Variants in MYO1E observed in about 807,000 individuals in gnomAD.
MYO1E encodes myosin IE.
In MYO1E, 68 loss-of-function variants were observed where a neutral mutation model predicts 151.1. The observed-to-expected ratio is 0.45, with a 90% CI of 0.37 to 0.55. The LOEUF (loss-of-function observed/expected upper bound fraction) is 0.55, where lower values mean the gene tolerates loss of function less well. Ranked by LOEUF, MYO1E falls within the 20% of genes least tolerant of loss-of-function variation. The probability of loss-of-function intolerance (pLI) is 0.00; values close to 1 mark genes in which losing one functional copy is unlikely to be tolerated. For synonymous variants in MYO1E, 601 were observed against 501.7 expected, an observed-to-expected ratio of 1.20 and a Z score of -2.64; for missense variants, 1,363 against 1,389.3, an observed-to-expected ratio of 0.98 and a Z score of 0.30.
chr15:59,200,981 A>AGG (rs2079797926), intron 16 of MYO1E, among the ~76,000 whole-genome samples: 2 of 152,248 alleles, frequency 1.3e-5, no homozygotes, highest in African/African-American at 4.8e-5. Context: ...CTTTGATTGT[A>AGG]AAACTGAGGA....
At chr15:59,160,908 G>A (rs1318081457) in intron 24 of MYO1E, among the ~76,000 whole-genome samples, 165 bp downstream of exon 24, 3 of 151,992 alleles carry the variant, frequency 2.0e-5, no homozygotes, top group Non-Finnish European at 2.9e-5. Context: ...TTTCCTTGCT[G>A]TTGCTTTAGT....
intron 22 of MYO1E, among the ~76,000 whole-genome samples, chr15:59,167,335 G>A (rs1362205124): frequency 6.6e-6 from 1 of 152,172 alleles, no homozygotes; most frequent in Non-Finnish European, 1.5e-5. Context: ...CCACCAGAAT[G>A]AGAAGAAAAA....
chr15:59,188,799 T>C (rs2079715400), intron 17 of MYO1E, among the ~76,000 whole-genome samples: 2 of 152,292 alleles, frequency 1.3e-5, no homozygotes, highest in South Asian at 2.1e-4. Context: ...CAAAGACCCA[T>C]CTATCACCTA....
intron 1 of MYO1E, among the ~76,000 whole-genome samples, chr15:59,370,819 T>C (rs2080940192): frequency 6.6e-6 from 1 of 152,226 alleles, no homozygotes; most frequent in Non-Finnish European, 1.5e-5. Context: ...TAAGATTCTT[T>C]AAGTTCTTGA....
intron 1 of MYO1E, among the ~76,000 whole-genome samples, chr15:59,300,865 T>TC (rs2080478171): frequency 6.9e-6 from 1 of 144,444 alleles, no homozygotes; most frequent in Non-Finnish European, 1.5e-5. Context: ...TCCTTTTTTT[T>TC]CTTTTTTTTT....
rs765624285 is a variant in MYO1E, at chr15:59,172,005, A to G, written c.2372T>C (p.Leu791Ser). The change falls in exon 22 of 28, where the codon TTG (leucine) becomes TCG (serine). Residue 791 changes from leucine (L) to serine (S), a missense_variant. Physicochemically the swap from Leu to Ser is moderately radical, Grantham distance 145. Transcript: ENST00000288235. ...KRDLLLTPKC[L>S]YLIGREKVKQ... ...GACTTTTTCTCGTCCGATTAAGTAC[A>G]AGCACTTTGGGGTAAGGAGCAGGTC... The G allele has an allele frequency of 4.3e-6, 7 of 1,614,188 alleles. No individual in the cohort carries two copies. In the South Asian group the frequency reaches 7.7e-5, roughly 18 times the overall value.
chr15:59,245,518 T>C (rs769231835), intron 4 of MYO1E, among the ~76,000 whole-genome samples: 1 of 152,180 alleles, frequency 6.6e-6, no homozygotes, highest in Non-Finnish European at 1.5e-5. Flanking sequence ...TTATTTAGCT[T>C]CTATGCAGGA....
At chr15:59,166,204 C>T (rs2079561985) in intron 22 of MYO1E, among the ~76,000 whole-genome samples, 1 of 152,226 alleles carries the variant, frequency 6.6e-6, no homozygotes, top group Admixed American at 6.5e-5. Context: ...CCACCTTCAC[C>T]CAGGCCAGGG....
chr15:59,287,063 C>T (rs1249542041), intron 1 of MYO1E, among the ~76,000 whole-genome samples: 3 of 152,044 alleles, frequency 2.0e-5, no homozygotes, highest in Admixed American at 1.3e-4. Flanking sequence ...CACTCCCTTC[C>T]ACCACCTGAC....
At chr15:59,337,178 T>C (rs1041169986) in intron 1 of MYO1E, among the ~76,000 whole-genome samples, 3 of 152,194 alleles carry the variant, frequency 2.0e-5, no homozygotes, top group African/African-American at 7.2e-5. Flanking sequence ...GTTTTACAGA[T>C]GTAAAAATGG....
At chr15:59,189,699 C>T (rs1225263178) in intron 17 of MYO1E, among the ~76,000 whole-genome samples, 3 of 152,152 alleles carry the variant, frequency 2.0e-5, no homozygotes, top group East Asian at 1.9e-4. Flanking sequence ...CTCAGCATCT[C>T]GAATAGCTGG....
Position 59,136,866 on chromosome 15 carries a change from G to T in MYO1E, c.*514C>A, listed in dbSNP as rs1444948158. ...CAGCAGGCCAGCTTACCCTTGGCACGTACATGGGAAGTGCCTGCTCACGCT... is the reference window on the plus strand; with the variant it reads ...CAGCAGGCCAGCTTACCCTTGGCACTTACATGGGAAGTGCCTGCTCACGCT... On this transcript the variant is annotated 3_prime_UTR_variant, in exon 28 of 28. Coordinates refer to ENST00000288235, the MANE Select transcript of MYO1E (RefSeq NM_004998.4). 2.3e-6 allele frequency: 1 copy of T among 428,342 alleles called. No homozygotes were observed. The highest frequency in any genetic ancestry group is 2.0e-5 in the African/African-American group (1 of 49,022). The allele number at this position is 428,342 out of a possible 1,614,324, so 26.5% of individuals were successfully genotyped here.
chr15:59,268,183 AG>A (rs1293924812), intron 2 of MYO1E, among the ~76,000 whole-genome samples: 4 of 152,334 alleles, frequency 2.6e-5, no homozygotes, highest in Non-Finnish European at 5.9e-5. Flanking sequence ...GAAGTGTTAA[AG>A]GATGCTTTTA....
chr15:59,220,572 G>C (rs535286244), intron 9 of MYO1E, among the ~76,000 whole-genome samples: 4 of 152,150 alleles, frequency 2.6e-5, no homozygotes, highest in African/African-American at 9.6e-5. Context: ...TGCACTGCAA[G>C]AGCAAGAGAA....
intron 7 of MYO1E, among the ~76,000 whole-genome samples, chr15:59,226,669 T>C (rs2079993475): frequency 6.6e-6 from 1 of 152,056 alleles, no homozygotes; most frequent in Admixed American, 6.6e-5. Flanking sequence ...TAGCCAGGTG[T>C]GGTGGCATGT....
intron 3 of MYO1E, among the ~76,000 whole-genome samples, chr15:59,256,625 G>T (rs1312067862): frequency 6.6e-6 from 1 of 152,056 alleles, no homozygotes; most frequent in African/African-American, 2.4e-5. Flanking sequence ...GTCTCCCGTA[G>T]GCATATCCAT....
At position 59,372,677 on chromosome 15, in the gene MYO1E, T is replaced by C. The variant is rs1398474853; in HGVS notation, c.-177A>G. ...CAGAGGGGACTCCATCCAGGCGGGA[T>C]TGGCGGTGCTAGGTGAGGGCGAGAC... On this transcript the variant is annotated 5_prime_UTR_variant, in exon 1 of 28. Coordinates refer to ENST00000288235, the MANE Select transcript of MYO1E (RefSeq NM_004998.4). The C allele has an allele frequency of 6.6e-6, 5 of 761,790 alleles. No individual in the cohort carries two copies. The highest frequency in any genetic ancestry group is 5.9e-5 in the East Asian group (2 of 34,174). 47.2% of individuals were successfully genotyped at this position (761,790 alleles called of 1,614,324 possible). A position where few individuals can be genotyped will look rare whatever the true frequency, so the allele number is the denominator to read the frequency against.
intron 1 of MYO1E, among the ~76,000 whole-genome samples, chr15:59,289,995 G>C (rs1201835526): frequency 6.6e-6 from 1 of 152,182 alleles, no homozygotes; most frequent in East Asian, 1.9e-4. Flanking sequence ...ATCGGGGAAC[G>C]GGCATCACTT....
chr15:59,145,574 T>C (rs1344573427), intron 26 of MYO1E, among the ~76,000 whole-genome samples: 1 of 152,094 alleles, frequency 6.6e-6, no homozygotes, highest in East Asian at 1.9e-4. Context: ...GTATTTTTAG[T>C]AGAGATGGGG....
Sources: allele counts gnomAD v4.1 joint callset (sites outside exome capture counted in the v4.1 genomes callset), GRCh38; gene constraint gnomAD v4.1.1; transcripts MANE v1.5; gene names NCBI Gene and HGNC (gene_info 2026-07-23, HGNC 2026-07-21).